FARP2: variants seen among roughly 807,000 people sequenced by gnomAD.
FARP2 encodes the protein FERM, ARH/RhoGEF and pleckstrin domain protein 2.
Under a neutral mutation model 130.5 loss-of-function variants are expected in FARP2, and 111 were observed. The observed-to-expected ratio is 0.85, with a 90% confidence interval of 0.73 to 1.00. The LOEUF (loss-of-function observed/expected upper bound fraction) is 1.00. Ranked by LOEUF, FARP2 falls within the 50% of genes least tolerant of loss-of-function variation. The pLI, the probability that FARP2 is intolerant of heterozygous loss-of-function variation, is 0.00. For synonymous variants in FARP2, 504 were observed against 516.9 expected, an observed-to-expected ratio of 0.98 and a Z score of 0.34; for missense variants, 1,385 against 1,346.3, an observed-to-expected ratio of 1.03 and a Z score of -0.45.
intron 2 of FARP2, among the ~76,000 whole-genome samples, chr2:241,392,936 C>T (rs1340898807): frequency 1.3e-5 from 2 of 149,482 alleles, no homozygotes; most frequent in African/African-American, 4.9e-5. Context: ...GAGCGAGACT[C>T]CATCTCAAAA....
At chr2:241,435,097 G>A in intron 11 of FARP2, 67 bp downstream of exon 11, 2 of 922,468 alleles carry the variant, frequency 2.2e-6, no homozygotes, top group Non-Finnish European at 3.3e-6. Context: ...TATATATGGA[G>A]AGAGAGCGAA....
intron 1 of FARP2, among the ~76,000 whole-genome samples, chr2:241,357,651 A>T (rs554262532): frequency 6.6e-6 from 1 of 152,142 alleles, no homozygotes; most frequent in Non-Finnish European, 1.5e-5. Context: ...GGTACTTGCA[A>T]ATACCATCTG....
chr2:241,493,722 G>A (rs894326720), intron 26 of FARP2: 15 of 519,002 alleles, frequency 2.9e-5, no homozygotes, highest in African/African-American at 1.9e-4. Flanking sequence ...AGCCTCCTGA[G>A]TAACTGAGAT....
intron 1 of FARP2, among the ~76,000 whole-genome samples, chr2:241,361,472 C>T (rs1250208994): frequency 6.6e-6 from 1 of 152,176 alleles, no homozygotes; most frequent in Non-Finnish European, 1.5e-5. Context: ...AGCAGCACCT[C>T]CCAAGCTACC....
In FARP2 at chr2:241,434,950, C is replaced by CT. The variant is rs750441384; in HGVS notation, c.1032-9dup. 4 of 1,501,322 alleles carry CT rather than the reference C, an allele frequency of 2.7e-6. No homozygotes were observed. The African/African-American group carries it at 5.6e-5, about 21-fold the overall frequency. The allele number at this position is 1,501,322 out of a possible 1,614,324, so 93.0% of individuals were successfully genotyped here. A position where few individuals can be genotyped will look rare whatever the true frequency, so the allele number is the denominator to read the frequency against. On this transcript the variant is annotated splice_polypyrimidine_tract_variant and intron_variant, in intron 10 of 26. Coordinates refer to ENST00000264042, the MANE Select transcript of FARP2 (RefSeq NM_014808.4). ...ACTGTTCTTTATTAAAAATCTGAAT[C>CT]TTTATTCACAGTGGAAGAACTCAGA...
chr2:241,371,594 G>T (rs1159611752), intron 1 of FARP2, among the ~76,000 whole-genome samples: 1 of 152,174 alleles, frequency 6.6e-6, no homozygotes, highest in African/African-American at 2.4e-5. Flanking sequence ...AAGGGGACTG[G>T]GCTAGAAATT....
At chr2:241,440,095 T>TA (rs1304768915) in intron 12 of FARP2, among the ~76,000 whole-genome samples, 4 of 152,216 alleles carry the variant, frequency 2.6e-5, no homozygotes, top group African/African-American at 9.6e-5. Context: ...AGGTTAATCT[T>TA]ATGGACTGTG....
At chr2:241,395,833 G>T (rs1397357325) in intron 2 of FARP2, 1 of 152,078 alleles carries the variant, frequency 6.6e-6, no homozygotes, top group Non-Finnish European at 1.5e-5. Flanking sequence ...AATAATTTCA[G>T]TTGAAGTATC....
At chr2:241,489,881 C>A in intron 21 of FARP2, 81 bp from the exon 22 acceptor site, 1 of 920,258 alleles carries the variant, frequency 1.1e-6, no homozygotes, top group Non-Finnish European at 1.8e-6. Flanking sequence ...GCATTGCCAG[C>A]AGTCACCTTG....
Position 241,453,768 on chromosome 2 carries a change from G to GTTTTTTTTTTTTTTTTTTTTTTTTTTTT in FARP2, c.1412-2979_1412-2978insTTTTTTTTTTTTTTTTTTTTTTTTTTTT, listed in dbSNP as rs1559786201. 4.0e-5 allele frequency among the ~76,000 whole-genome samples: 4 copies of GTTTTTTTTTTTTTTTTTTTTTTTTTTTT among 99,894 alleles called. 1 individual carries two copies. Among genetic ancestry groups the GTTTTTTTTTTTTTTTTTTTTTTTTTTTT allele is most frequent in the African/African-American group, 8.0e-5 (2 of 25,058 alleles). 65.5% of individuals were successfully genotyped at this position (99,894 alleles called of 152,430 possible). ...TTGTTTACTGGGAGTGGCACTTACT[G>GTTTTTTTTTTTTTTTTTTTTTTTTTTTT]GTTTTTTTTTTTTTTTTTTTTTTTT... On this transcript the variant is annotated intron_variant, in intron 13 of 26. Transcript: ENST00000264042.
rs563397492 is a variant in FARP2 at position 241,413,671 on chromosome 2, G to A, written c.623+250G>A. Among the ~76,000 whole-genome samples, 121 of 152,294 alleles carry A rather than the reference G, an allele frequency of 7.9e-4. 1 individual carries two copies. The highest frequency in any genetic ancestry group is 3.4e-3 in the Middle Eastern group (1 of 294). ...GAAGGTGCTGGAAGAAGCCAGGCAC[G>A]GTGGCTCATGCCTGTTATCCCAGCA... On this transcript the variant is annotated intron_variant, in intron 7 of 26. Transcript: ENST00000264042.
intron 2 of FARP2, among the ~76,000 whole-genome samples, chr2:241,389,138 G>T (rs1200708631): frequency 6.6e-6 from 1 of 151,960 alleles, no homozygotes; most frequent in African/African-American, 2.4e-5. Flanking sequence ...AAAATCAGCT[G>T]GGCATTGTGG....
chr2:241,423,263 T>G (rs539207957), intron 8 of FARP2, among the ~76,000 whole-genome samples: 1 of 152,306 alleles, frequency 6.6e-6, no homozygotes, highest in South Asian at 2.1e-4. Context: ...ACAGGGGACC[T>G]CTCAGCAGAA....
chr2:241,442,774 G>T, intron 13 of FARP2: 1 of 298,366 alleles, frequency 3.4e-6, no homozygotes, highest in Non-Finnish European at 6.5e-6. Flanking sequence ...CCTCCTAGAG[G>T]ACCGATAAAT....
At chr2:241,424,149 A>C (rs2379199) in intron 8 of FARP2, among the ~76,000 whole-genome samples, 115,786 of 152,064 alleles carry the variant, frequency 0.76, 44,320 homozygotes, top group Middle Eastern at 0.85. Context: ...CCAAAAACAA[A>C]AGAATATAAA....
At chr2:241,455,735 CTTTTTTTT>C (rs1180839402) in intron 13 of FARP2, among the ~76,000 whole-genome samples, 3 of 94,802 alleles carry the variant, frequency 3.2e-5, no homozygotes, top group South Asian at 4.0e-4. Context: ...CTAAAGTTTT[CTTTTTTTT>C]TTTTTTTTTT....
At chr2:241,489,727 C>G (rs748034264) in intron 21 of FARP2, 10 of 425,378 alleles carry the variant, frequency 2.4e-5, no homozygotes, top group Non-Finnish European at 4.2e-5. Context: ...GTGCTGGACC[C>G]CCCGGTGAGT....
At chr2:241,415,918 C>G (rs992888387) in intron 7 of FARP2, among the ~76,000 whole-genome samples, 1 of 151,776 alleles carries the variant, frequency 6.6e-6, no homozygotes, top group African/African-American at 2.4e-5. Context: ...GAGGCAGTGA[C>G]AACATCTTTG....
chr2:241,388,084 A>G (rs1048375307), intron 2 of FARP2, among the ~76,000 whole-genome samples: 4 of 152,238 alleles, frequency 2.6e-5, no homozygotes, highest in African/African-American at 9.6e-5. Flanking sequence ...TACAATGTAT[A>G]TAGAAATGCA....
Sources: gnomAD v4.1 joint callset for allele counts (sites outside exome capture counted in the v4.1 genomes callset) on GRCh38, gnomAD v4.1.1 for gene constraint, MANE v1.5 for transcripts, NCBI Gene and HGNC (gene_info 2026-07-23, HGNC 2026-07-21) for gene names.